H1-7: variants seen among roughly 807,000 people sequenced by gnomAD.
The protein encoded by H1-7 is H1.7 linker histone.
A neutral mutation model predicts 0.3 loss-of-function variants in H1-7; 1 was observed. The ratio of observed to expected loss-of-function variants is 3.06; its 90% CI spans 1.09 to 14.53. The LOEUF (loss-of-function observed/expected upper bound fraction) is 14.53. H1-7 is among the 30% of genes most tolerant of loss of function. The probability of loss-of-function intolerance (pLI) is 0.12; values close to 1 mark genes in which losing one functional copy is unlikely to be tolerated. For missense variants in H1-7, 393 were observed against 353.1 expected, an observed-to-expected ratio of 1.11 and a Z score of -0.91; for synonymous variants, 177 against 153.2, an observed-to-expected ratio of 1.16 and a Z score of -1.15.
Position 48,329,627 on chromosome 12 carries a change from C to T in H1-7, c.336C>T (p.Ser112=). 2 of 1,611,792 alleles carry T rather than the reference C, an allele frequency of 1.2e-6. No homozygotes were observed. The highest frequency in any genetic ancestry group is 1.7e-6 in the Non-Finnish European group (2 of 1,179,316). The part of the protein sequence containing the change: ...GQAKATLLRV[S]GSDAAGYFRV... Reference sequence around the variant, plus strand: ...CCAAGGCCACGCTCCTCCGGGTCAGCGGCAGCGACGCCGCCGGCTACTTCA... The same window carrying T: ...CCAAGGCCACGCTCCTCCGGGTCAGTGGCAGCGACGCCGCCGGCTACTTCA... Residue 112 remains serine (S), a synonymous_variant, in exon 1 of 1, where the codon AGC becomes AGT. Coordinates refer to ENST00000335017, the MANE Select transcript of H1-7 (RefSeq NM_181788.1).
rs1952550859 is a variant in H1-7 at position 48,330,269 on chromosome 12, C to T, written c.*210C>T. The stretch of plus-strand genomic sequence containing the variant: ...GTCACACTCATTGAAATGAAATGGA[C>T]CTCTAGACCACCTTGTGTCTGTTTC... On this transcript the variant is annotated 3_prime_UTR_variant, in exon 1 of 1. Transcript: ENST00000335017. 3.0e-5 allele frequency: 18 copies of T among 601,190 alleles called. No homozygotes were observed. In the South Asian group the frequency reaches 3.7e-4, roughly 12 times the overall value. 37.2% of individuals were successfully genotyped at this position (601,190 alleles called of 1,614,324 possible).
At position 48,329,801 on chromosome 12, in the gene H1-7, A is replaced by G; in HGVS notation, c.510A>G (p.Glu170=). The G allele has an allele frequency of 2.5e-6, 4 of 1,599,184 alleles. No homozygotes were observed. The highest frequency in any genetic ancestry group is 3.4e-6 in the Non-Finnish European group (4 of 1,173,700). ...PLRKAARKAR[E]VWRRNARAKA... ...GCAAGGCGGCCAGGAAGGCCAGAGA[A>G]GTGTGGAGACGGAACGCGAGGGCGA... The change falls in exon 1 of 1, where the codon GAA becomes GAG. Residue 170 remains glutamate (E), a synonymous_variant. Transcript: ENST00000335017.
In H1-7 at chr12:48,330,163, T is replaced by C; in HGVS notation, c.*104T>C. ...AAATCTGAAGGTCTTCCTGATCCAGTTGGGAATGCATCTTGTGGGAGCAGC... is the reference window on the plus strand; with the variant it reads ...AAATCTGAAGGTCTTCCTGATCCAGCTGGGAATGCATCTTGTGGGAGCAGC... On this transcript the variant is annotated 3_prime_UTR_variant, in exon 1 of 1. Coordinates refer to ENST00000335017, the MANE Select transcript of H1-7 (RefSeq NM_181788.1). 7.7e-7 allele frequency: 1 copy of C among 1,301,494 alleles called. No homozygotes were observed. The highest frequency in any genetic ancestry group is 1.0e-6 in the Non-Finnish European group (1 of 962,778). The allele number at this position is 1,301,494 out of a possible 1,614,324, so 80.6% of individuals were successfully genotyped here. A position where few individuals can be genotyped will look rare whatever the true frequency, so the allele number is the denominator to read the frequency against.
chr12:48,329,752 C>T lies in H1-7; in HGVS notation c.461C>T (p.Ser154Phe). The T allele has an allele frequency of 6.3e-7, 1 of 1,599,890 alleles. No individual in the cohort carries two copies. The highest frequency in any genetic ancestry group is 2.3e-5 in the East Asian group (1 of 44,428). ...PWRTPAAPRS[S>F]RRRRQPLRKA... ...AGGACCCCAGCCGCGCCCCGGAGCTCCCGGAGGCGCCGCCAGCCCCTTCGC... is the reference window on the plus strand; with the variant it reads ...AGGACCCCAGCCGCGCCCCGGAGCTTCCGGAGGCGCCGCCAGCCCCTTCGC... The change falls in exon 1 of 1, where the codon TCC becomes TTC. Residue 154 changes from serine (S) to phenylalanine (F), a missense_variant. By Grantham distance (155) the Ser-to-Phe change is radical (BLOSUM62 -2). Transcript: ENST00000335017.
At position 48,329,558 on chromosome 12, in the gene H1-7, A is replaced by G. The variant is rs1448253694; in HGVS notation, c.267A>G (p.Glu89=). ...AGGAGCTCCGAAACGCCGGCTACGA[A>G]GTGCGCAGGAAGAGCGGCCGCCACG... ...LKKELRNAGY[E]VRRKSGRHEA... The change falls in exon 1 of 1, where the codon GAA becomes GAG. Residue 89 remains glutamate (E), a synonymous_variant. Transcript: ENST00000335017. 6.2e-7 allele frequency: 1 copy of G among 1,612,826 alleles called. No homozygotes were observed. The highest frequency in any genetic ancestry group is 2.2e-5 in the East Asian group (1 of 44,866).
In H1-7 at chr12:48,329,222, A is replaced by G; in HGVS notation, c.-70A>G. The G allele has an allele frequency of 1.0e-5, 15 of 1,451,012 alleles. No homozygotes were observed. Among genetic ancestry groups the G allele is most frequent in the Non-Finnish European group, 1.4e-5 (15 of 1,097,830 alleles). 89.9% of individuals were successfully genotyped at this position (1,451,012 alleles called of 1,614,324 possible). The stretch of plus-strand genomic sequence containing the variant: ...GGCCCCTCCCCGGGTGAGATATGCC[A>G]GCCCCATAATTAGGACCTGAAAATC... On this transcript the variant is annotated 5_prime_UTR_variant, in exon 1 of 1. Coordinates refer to ENST00000335017, the MANE Select transcript of H1-7 (RefSeq NM_181788.1).
chr12:48,329,550 G>A lies in H1-7; in HGVS notation c.259G>A (p.Gly87Ser), dbSNP rs1300806864. 3.1e-6 allele frequency: 5 copies of A among 1,612,960 alleles called. No homozygotes were observed. The highest frequency in any genetic ancestry group is 4.2e-6 in the Non-Finnish European group (5 of 1,179,800). Residue 87 changes from glycine to serine, a missense_variant, in exon 1 of 1, where the codon GGC becomes AGC. By Grantham distance (56) the Gly-to-Ser change is moderately conservative. Transcript: ENST00000335017. ...AALKKELRNAGYEVRRKSGRH... is the reference protein window; with the variant it reads ...AALKKELRNASYEVRRKSGRH... ...TCTCAAGAAGGAGCTCCGAAACGCC[G>A]GCTACGAAGTGCGCAGGAAGAGCGG...
rs1053522082 is a variant in H1-7 at position 48,330,025 on chromosome 12, A to G, written c.734A>G (p.Glu245Gly). ...RSSKPREEKQ[E>G]PKKPAQRTIQ is the part of the protein sequence containing the mutation. The stretch of plus-strand genomic sequence containing the variant: ...TCCAAGCCCAGGGAAGAGAAGCAGG[A>G]GCCCAAGAAGCCCGCACAGCGGACC... The change falls in exon 1 of 1, where the codon GAG (glutamate) becomes GGG (glycine). Residue 245 changes from glutamate (E) to glycine (G), a missense_variant. Coordinates refer to ENST00000335017, the MANE Select transcript of H1-7 (RefSeq NM_181788.1). The G allele has an allele frequency of 2.5e-6, 4 of 1,613,404 alleles. No individual in the cohort carries two copies. The highest frequency in any genetic ancestry group is 1.3e-5 in the African/African-American group (1 of 74,898).
chr12:48,329,318 C>G lies in H1-7; in HGVS notation c.27C>G (p.Ala9=). 6.3e-7 allele frequency: 1 copy of G among 1,597,682 alleles called. No homozygotes were observed. Among genetic ancestry groups the G allele is most frequent in the Non-Finnish European group, 8.5e-7 (1 of 1,172,448 alleles). MEQALTGE[A]QSRWPRRGGS... ...TGGAACAGGCCTTGACTGGTGAGGC[C>G]CAAAGCCGGTGGCCCCGCAGAGGCG... is the stretch of plus-strand genomic sequence containing the variant. Residue 9 remains alanine (A), a synonymous_variant, in exon 1 of 1, where the codon GCC becomes GCG. Coordinates refer to ENST00000335017, the MANE Select transcript of H1-7 (RefSeq NM_181788.1).
chr12:48,329,990 G>T lies in H1-7; in HGVS notation c.699G>T (p.Lys233Asn). ...CCACGCCGAGGTCAGGGAAGGACAAGAGGCGAAGCTCCAAGCCCAGGGAAG... is the reference window on the plus strand; with the variant it reads ...CCACGCCGAGGTCAGGGAAGGACAATAGGCGAAGCTCCAAGCCCAGGGAAG... ...EDTTPRSGKD[K>N]RRSSKPREEK... Residue 233 changes from lysine (K) to asparagine (N), a missense_variant, in exon 1 of 1, where the codon AAG becomes AAT. Coordinates refer to ENST00000335017, the MANE Select transcript of H1-7 (RefSeq NM_181788.1). The T allele has an allele frequency of 6.2e-7, 1 of 1,613,852 alleles. No individual in the cohort carries two copies. The highest frequency in any genetic ancestry group is 8.5e-7 in the Non-Finnish European group (1 of 1,179,924).
At chr12:48,329,330 GC>G in the H1-7 span, 3 of 1,605,172 alleles carry the variant, frequency 1.9e-6, no homozygotes, top group African/African-American at 4.0e-5. Context: ...AAAGCCGGTG[GC>G]CCCGCAGAGG....
At position 48,329,762 on chromosome 12, in the gene H1-7, C is replaced by T. The variant is rs762867567; in HGVS notation, c.471C>T (p.Arg157=). 1 of 1,599,032 alleles carries T rather than the reference C, an allele frequency of 6.3e-7. No homozygotes were observed. The highest frequency in any genetic ancestry group is 8.5e-7 in the Non-Finnish European group (1 of 1,174,396). The change falls in exon 1 of 1, where the codon CGC becomes CGT. Residue 157 remains arginine, a synonymous_variant. Transcript: ENST00000335017. Reference sequence around the variant, plus strand: ...CCGCGCCCCGGAGCTCCCGGAGGCGCCGCCAGCCCCTTCGCAAGGCGGCCA... The same window carrying T: ...CCGCGCCCCGGAGCTCCCGGAGGCGTCGCCAGCCCCTTCGCAAGGCGGCCA... ...TPAAPRSSRR[R]RQPLRKAARK... is the part of the protein sequence containing the mutation.
rs949398687 is a variant in H1-7, at chr12:48,330,240, G to A, written c.*181G>A. On this transcript the variant is annotated 3_prime_UTR_variant, in exon 1 of 1. Transcript: ENST00000335017. ...TTCCCCCATAGGCCCCAAGAAGAGC[G>A]GCTGTCACACTCATTGAAATGAAAT... 7.3e-6 allele frequency: 5 copies of A among 680,554 alleles called. No homozygotes were observed. Among genetic ancestry groups the A allele is most frequent in the African/African-American group, 5.4e-5 (3 of 55,064 alleles). The allele number at this position is 680,554 out of a possible 1,614,324, so 42.2% of individuals were successfully genotyped here. A position where few individuals can be genotyped will look rare whatever the true frequency, so the allele number is the denominator to read the frequency against.
Position 48,330,029 on chromosome 12 carries a change from CAAG to C in H1-7, c.742_744del (p.Lys248del). ...AGCCCAGGGAAGAGAAGCAGGAGCC[CAAG>C]AAGCCCGCACAGCGGACCATCCAGT... On this transcript the variant is annotated inframe_deletion, in exon 1 of 1. Coordinates refer to ENST00000335017, the MANE Select transcript of H1-7 (RefSeq NM_181788.1). 6.2e-7 allele frequency: 1 copy of C among 1,613,410 alleles called. No homozygotes were observed.
rs770163249 is a variant in H1-7, at chr12:48,329,581, A to C, written c.290A>C (p.His97Pro). 35 of 1,612,998 alleles carry C rather than the reference A, an allele frequency of 2.2e-5. No individual in the cohort carries two copies. The highest frequency in any genetic ancestry group is 1.6e-4 in the Middle Eastern group (1 of 6,082). The change falls in exon 1 of 1, where the codon CAC becomes CCC. Residue 97 changes from histidine (H) to proline (P), a missense_variant. Coordinates refer to ENST00000335017, the MANE Select transcript of H1-7 (RefSeq NM_181788.1). ...GYEVRRKSGR[H>P]EAPRGQAKAT... ...GAAGTGCGCAGGAAGAGCGGCCGCC[A>C]CGAAGCGCCCAGGGGGCAGGCCAAG... is the stretch of plus-strand genomic sequence containing the variant.
Position 48,329,499 on chromosome 12 carries a change from A to G in H1-7, c.208A>G (p.Thr70Ala). 1 of 1,613,946 alleles carries G rather than the reference A, an allele frequency of 6.2e-7. No individual in the cohort carries two copies. Among genetic ancestry groups the G allele is most frequent in the African/African-American group, 1.3e-5 (1 of 75,046 alleles). ...CCAGTTGGTGCTCCAGGCCATCTCC[A>G]CTCACAAAGGGCTGACTCTGGCAGC... ...VSQLVLQAIS[T>A]HKGLTLAALK... Residue 70 changes from threonine to alanine, a missense_variant, in exon 1 of 1, where the codon ACT (threonine) becomes GCT (alanine). By Grantham distance (58) the Thr-to-Ala change is moderately conservative. Coordinates refer to ENST00000335017, the MANE Select transcript of H1-7 (RefSeq NM_181788.1).
chr12:48,329,298 C>G lies in H1-7; in HGVS notation c.7C>G (p.Gln3Glu). ME[Q>E]ALTGEAQSRW... Reference sequence around the variant, plus strand: ...GGCCCAGTCTACCTCAGCTATGGAACAGGCCTTGACTGGTGAGGCCCAAAG... The same window carrying G: ...GGCCCAGTCTACCTCAGCTATGGAAGAGGCCTTGACTGGTGAGGCCCAAAG... The change falls in exon 1 of 1, where the codon CAG becomes GAG. Residue 3 changes from glutamine (Q) to glutamate (E), a missense_variant. Transcript: ENST00000335017. The G allele has an allele frequency of 1.1e-5, 18 of 1,570,386 alleles. No individual in the cohort carries two copies. Among genetic ancestry groups the G allele is most frequent in the Non-Finnish European group, 1.5e-5 (17 of 1,160,196 alleles).
In H1-7 at chr12:48,329,536, A is replaced by C. The variant is rs1952542135; in HGVS notation, c.245A>C (p.Glu82Ala). ...CTGACTCTGGCAGCTCTCAAGAAGG[A>C]GCTCCGAAACGCCGGCTACGAAGTG... ...KGLTLAALKK[E>A]LRNAGYEVRR... The change falls in exon 1 of 1, where the codon GAG becomes GCG. Residue 82 changes from glutamate (E) to alanine (A), a missense_variant. Physicochemically the swap from Glu to Ala is moderately radical, Grantham distance 107. Transcript: ENST00000335017. The C allele has an allele frequency of 6.2e-7, 1 of 1,613,576 alleles. No individual in the cohort carries two copies. Among genetic ancestry groups the C allele is most frequent in the African/African-American group, 1.3e-5 (1 of 74,942 alleles).
chr12:48,329,430 G>A lies in H1-7; in HGVS notation c.139G>A (p.Gly47Arg), dbSNP rs756117628. The A allele has an allele frequency of 6.2e-6, 10 of 1,614,072 alleles. No homozygotes were observed. The highest frequency in any genetic ancestry group is 4.0e-5 in the African/African-American group (3 of 74,940). ...TCAGCTGCCAGCGGAAAAAACTGTC[G>A]GGGGACCATCGAGGGGCTGCTCAAG... ...ATQLPAEKTV[G>R]GPSRGCSSSV... Residue 47 changes from glycine (G) to arginine (R), a missense_variant, in exon 1 of 1, where the codon GGG (glycine) becomes AGG (arginine). Physicochemically the swap from Gly to Arg is moderately radical, Grantham distance 125. Coordinates refer to ENST00000335017, the MANE Select transcript of H1-7 (RefSeq NM_181788.1).
Sources: allele counts gnomAD v4.1 joint callset, GRCh38; gene constraint gnomAD v4.1.1; transcripts MANE v1.5; gene names NCBI Gene and HGNC (gene_info 2026-07-23, HGNC 2026-07-21).